Variants in ARHGEF1 observed in about 807,000 individuals in gnomAD.
ARHGEF1 encodes 115 kDa guanine nucleotide exchange factor.
ARHGEF1 carries 40 observed loss-of-function variants against 119.7 expected under a neutral mutation model. The ratio of observed to expected loss-of-function variants is 0.33; its 90% confidence interval spans 0.26 to 0.44. The LOEUF (loss-of-function observed/expected upper bound fraction) is 0.44. Ranked by LOEUF, ARHGEF1 falls within the 20% of genes least tolerant of loss-of-function variation. The probability of loss-of-function intolerance (pLI) is 1.00; values close to 1 mark genes in which losing one functional copy is unlikely to be tolerated. For missense variants in ARHGEF1, 976 were observed against 1,268.3 expected (o/e 0.77, Z 3.50); for synonymous variants, 494 against 521.0 (o/e 0.95, Z 0.71).
chr19:41,904,241 CCTG>C lies in ARHGEF1; in HGVS notation c.2031_2033del (p.Leu678del), dbSNP rs782591569. 3 of 1,613,278 alleles carry C rather than the reference CCTG, an allele frequency of 1.9e-6. No individual in the cohort carries two copies. Among genetic ancestry groups the C allele is most frequent in the Non-Finnish European group, 8.5e-7 (1 of 1,179,736 alleles). ...AGGTGCATGTGCTGCTGCTGGACGACCTGCTGCTGCTGCTCCAGCGCCAGGACG... is the reference window on the plus strand; with the variant it reads ...AGGTGCATGTGCTGCTGCTGGACGACCTGCTGCTGCTCCAGCGCCAGGACG... On this transcript the variant is annotated inframe_deletion, in exon 22 of 29. Coordinates refer to ENST00000354532, the MANE Select transcript of ARHGEF1 (RefSeq NM_004706.4). The surrounding 1 kb of genome is among the most constrained non-coding windows in gnomAD (Gnocchi z 8.4).
At chr19:41,926,677 C>T (rs2074872328) in intron 1 of ARHGEF1, among the ~76,000 whole-genome samples, 1 of 151,782 alleles carries the variant, frequency 6.6e-6, no homozygotes, top group South Asian at 2.1e-4. Flanking sequence ...GGCTGCTTGG[C>T]GATGCGGAGC....
chr19:41,908,434 G>C (rs1401842669), downstream of ARHGEF1: 8 of 1,231,104 alleles, frequency 6.5e-6, no homozygotes, highest in African/African-American at 1.6e-5. The surrounding 1 kb of genome is among the most constrained non-coding windows in gnomAD (Gnocchi z 6.7). Flanking sequence ...GGGCGCTCGG[G>C]GCCCAGGCCC....
chr19:41,903,483 C>G lies in ARHGEF1; in HGVS notation c.1839+76C>G. The G allele has an allele frequency of 7.1e-7, 1 of 1,414,494 alleles. No homozygotes were observed. The highest frequency in any genetic ancestry group is 9.9e-7 in the Non-Finnish European group (1 of 1,012,812). 87.6% of individuals were successfully genotyped at this position (1,414,494 alleles called of 1,614,324 possible). On this transcript the variant is annotated intron_variant, in intron 19 of 28. Transcript: ENST00000354532. The surrounding 1 kb of genome is among the most constrained non-coding windows in gnomAD (Gnocchi z 4.2). ...GGGGTGGACCCTACCTCAGCCTGTCCAGAAGTCACACCCCACCCCTTGGCT... is the reference window on the plus strand; with the variant it reads ...GGGGTGGACCCTACCTCAGCCTGTCGAGAAGTCACACCCCACCCCTTGGCT...
At chr19:41,909,647 G>C (rs1427069711), downstream of ARHGEF1, among the ~76,000 whole-genome samples, 1 of 152,142 alleles carries the variant, frequency 6.6e-6, no homozygotes, top group Non-Finnish European at 1.5e-5. The surrounding 1 kb of genome is among the most constrained non-coding windows in gnomAD (Gnocchi z 5.2). Flanking sequence ...GATGAGGCAG[G>C]AGCGGGGACC....
Position 41,883,546 on chromosome 19 carries a change from G to A in ARHGEF1, c.-20+257G>A, listed in dbSNP as rs1423716594. On this transcript the variant is annotated intron_variant, in intron 1 of 28. Transcript: ENST00000354532. This position sits in a 1 kb window ranked among gnomAD's most constrained non-coding sequence, Gnocchi z 7.6. ...GGGGCCAAGGCCTCCCACCTGCTCA[G>A]TGGAGAACGGACGATCACTACCATT... 1.3e-5 allele frequency among the ~76,000 whole-genome samples: 2 copies of A among 152,226 alleles called. No homozygotes were observed. Among genetic ancestry groups the A allele is most frequent in the Non-Finnish European group, 2.9e-5 (2 of 68,036 alleles).
chr19:41,909,898 G>A (rs549560496), downstream of ARHGEF1: 1 of 1,613,478 alleles, frequency 6.2e-7, no homozygotes, highest in South Asian at 1.1e-5. This position sits in a 1 kb window ranked among gnomAD's most constrained non-coding sequence, Gnocchi z 5.2. Context: ...AATTCATGTG[G>A]GGCTTGCATT....
Position 41,912,593 on chromosome 19 carries a change from G to A in ARHGEF1, c.1865+5790G>A, listed in dbSNP as rs542211660. Among the ~76,000 whole-genome samples, 16 of 152,134 alleles carry A rather than the reference G, an allele frequency of 1.1e-4. No homozygotes were observed. The East Asian group carries it at 3.1e-3, about 30-fold the overall frequency. On this transcript the variant is annotated intron_variant, in intron 18 of 20. Transcript: ENST00000599589. ...GGATGCCCGGGCCTCGGGCCCCTCC[G>A]TCCTCACCCCTCACTCACTTCCGTA...
intron 13 of ARHGEF1, chr19:41,898,137 C>G: frequency 1.4e-6 from 2 of 1,401,794 alleles, no homozygotes; most frequent in Non-Finnish European, 9.2e-7. Flanking sequence ...CTCCCTTCCC[C>G]CATCCACTAA....
chr19:41,893,382 GGGA>G, intron 8 of ARHGEF1, 79 bp downstream of exon 8: 2 of 1,225,034 alleles, frequency 1.6e-6, no homozygotes, highest in Non-Finnish European at 2.2e-6. Context: ...CTGGGTCTGA[GGGA>G]GGAGGAGGCT....
At chr19:41,919,473 G>C (rs915975942), upstream of ARHGEF1, among the ~76,000 whole-genome samples, 1 of 151,600 alleles carries the variant, frequency 6.6e-6, no homozygotes, top group African/African-American at 2.4e-5. Flanking sequence ...GGTACATTCA[G>C]CTCCTACAAA....
rs782294493 is a variant in ARHGEF1 at position 41,906,059 on chromosome 19, A to G, written c.2491+34A>G. ...GCTCTGCCCCTCCAGGGTGGCCACC[A>G]GCCCAAACAGTGCCTCTGTTCCAAC... On this transcript the variant is annotated intron_variant, in intron 26 of 28. Coordinates refer to ENST00000354532, the MANE Select transcript of ARHGEF1 (RefSeq NM_004706.4). The surrounding 1 kb of genome is among the most constrained non-coding windows in gnomAD (Gnocchi z 4.5). 3 of 1,582,852 alleles carry G rather than the reference A, an allele frequency of 1.9e-6. No homozygotes were observed. Among genetic ancestry groups the G allele is most frequent in the Non-Finnish European group, 2.6e-6 (3 of 1,153,056 alleles).
Position 41,906,757 on chromosome 19 carries a change from A to G in ARHGEF1, c.2710A>G (p.Asn904Asp). 2.5e-6 allele frequency: 4 copies of G among 1,609,802 alleles called. No individual in the cohort carries two copies. The highest frequency in any genetic ancestry group is 3.4e-6 in the Non-Finnish European group (4 of 1,178,340). Residue 904 changes from asparagine (N) to aspartate (D), a missense_variant, in exon 28 of 29, where the codon AAC becomes GAC. Asn to Asp is a conservative substitution (Grantham distance 23). Coordinates refer to ENST00000354532, the MANE Select transcript of ARHGEF1 (RefSeq NM_004706.4). The surrounding 1 kb of genome is among the most constrained non-coding windows in gnomAD (Gnocchi z 4.5). ...ACCCCTCCTGTCTCAGCTTGGGGGG[A>G]ACTCTGTCCCCCAGCCTGGCTGCAC... is the stretch of plus-strand genomic sequence containing the variant. ...LRPLLSQLGG[N>D]SVPQPGCT
At chr19:41,922,693 G>A (rs781876050), upstream of ARHGEF1, among the ~76,000 whole-genome samples, 12 of 152,094 alleles carry the variant, frequency 7.9e-5, no homozygotes, top group Non-Finnish European at 1.0e-4. Flanking sequence ...GCTGGGTGCC[G>A]GGCCACCAGG....
At chr19:41,908,102 G>A (rs2074728573), downstream of ARHGEF1, 12 of 678,082 alleles carry the variant, frequency 1.8e-5, no homozygotes, top group Non-Finnish European at 2.3e-5. This position sits in a 1 kb window ranked among gnomAD's most constrained non-coding sequence, Gnocchi z 6.7. Context: ...GAAGGAGACT[G>A]GGGCAGCAAT....
chr19:41,926,638 C>T (rs2145913650), intron 1 of ARHGEF1, among the ~76,000 whole-genome samples: 1 of 152,142 alleles, frequency 6.6e-6, no homozygotes, highest in East Asian at 1.9e-4. Flanking sequence ...GCCTGGCCTG[C>T]TGGCCTGCCG....
chr19:41,885,188 C>A (rs2074275102), intron 1 of ARHGEF1, among the ~76,000 whole-genome samples: 1 of 152,084 alleles, frequency 6.6e-6, no homozygotes, highest in African/African-American at 2.4e-5. Flanking sequence ...ACCTATAATT[C>A]TCCAGCCTTT....
chr19:41,892,278 T>C lies in ARHGEF1; in HGVS notation c.325-53T>C, dbSNP rs529786694. ...AGGGTTCCTGGCAGTCCTCCCGGCC[T>C]GCATCTCAGCACACCAAGTCCTCCT... On this transcript the variant is annotated intron_variant, in intron 5 of 28. Transcript: ENST00000354532. The surrounding 1 kb of genome is among the most constrained non-coding windows in gnomAD (Gnocchi z 6.3). 2.9e-5 allele frequency: 46 copies of C among 1,609,980 alleles called. No individual in the cohort carries two copies. In the East Asian group the frequency reaches 9.8e-4, roughly 34 times the overall value.
chr19:41,914,550 CT>C (rs1333319919), intron 18 of ARHGEF1, among the ~76,000 whole-genome samples: 3 of 128,042 alleles, frequency 2.3e-5, no homozygotes, highest in African/African-American at 8.6e-5. Flanking sequence ...CCGTCTTTCC[CT>C]CCCCTTCCAC....
intron 14 of ARHGEF1, among the ~76,000 whole-genome samples, chr19:41,899,030 T>G (rs1367750261): frequency 2.0e-5 from 3 of 152,196 alleles, no homozygotes; most frequent in Non-Finnish European, 4.4e-5. Context: ...TCTCAGTTGG[T>G]CTCTCAGGCT....
Sources: allele counts gnomAD v4.1 joint callset (sites outside exome capture counted in the v4.1 genomes callset), GRCh38; gene constraint gnomAD v4.1.1; non-coding constraint Gnocchi (gnomAD v3.1); transcripts MANE v1.5; gene names NCBI Gene and HGNC (gene_info 2026-07-23, HGNC 2026-07-21).